The following PCDHA7 variants were observed in gnomAD, a reference collection of about 807,000 sequenced individuals.
PCDHA7 encodes the protein protocadherin alpha 7.
In PCDHA7, 37 loss-of-function variants were observed where a neutral mutation model predicts 57.2. The observed-to-expected ratio is 0.65, with a 90% CI of 0.50 to 0.85. PCDHA7 has a LOEUF of 0.85. Among genes scored for constraint, PCDHA7 ranks in the 40% least tolerant of loss-of-function variants. The pLI, the probability that PCDHA7 is intolerant of heterozygous loss-of-function variation, is 0.00. For missense variants in PCDHA7, 1,188 were observed against 1,241.8 expected (o/e 0.96, Z 0.65); for synonymous variants, 553 against 558.8 (o/e 0.99, Z 0.15).
intron 1 of PCDHA7, among the ~76,000 whole-genome samples, chr5:140,897,593 G>A (rs1185165472): frequency 6.6e-6 from 1 of 152,014 alleles, no homozygotes; most frequent in Non-Finnish European, 1.5e-5. Context: ...TGTCATTGTT[G>A]GACATTTGGG....
At chr5:140,986,981 A>G (rs1180752989) in intron 3 of PCDHA7, among the ~76,000 whole-genome samples, 1 of 152,146 alleles carries the variant, frequency 6.6e-6, no homozygotes, top group Non-Finnish European at 1.5e-5. Flanking sequence ...TGGGAGGCCA[A>G]GGCAGGCAGA....
At chr5:140,917,587 C>T (rs2078270380) in intron 1 of PCDHA7, among the ~76,000 whole-genome samples, 1 of 152,164 alleles carries the variant, frequency 6.6e-6, no homozygotes, top group Non-Finnish European at 1.5e-5. Context: ...TTTGTTCATG[C>T]TGAAAGGAAG....
intron 1 of PCDHA7, chr5:140,881,393 A>G: frequency 1.0e-6 from 1 of 979,646 alleles, no homozygotes; most frequent in Non-Finnish European, 1.2e-6. Context: ...GGTAAGTTAA[A>G]TTCTATTAAA....
chr5:140,883,695 C>T, intron 1 of PCDHA7: 2 of 1,613,804 alleles, frequency 1.2e-6, no homozygotes, highest in Non-Finnish European at 1.7e-6. Context: ...CACATCTTCA[C>T]GGTGTCTGCT....
chr5:140,920,632 T>C (rs1054888668), intron 1 of PCDHA7, among the ~76,000 whole-genome samples: 2 of 152,018 alleles, frequency 1.3e-5, no homozygotes, highest in Non-Finnish European at 2.9e-5. Context: ...GATCACAAGG[T>C]CAAGAGATTG....
At chr5:140,965,037 C>T (rs1260839947) in intron 1 of PCDHA7, among the ~76,000 whole-genome samples, 1 of 152,142 alleles carries the variant, frequency 6.6e-6, no homozygotes, top group African/African-American at 2.4e-5. Context: ...TAACTGTCCG[C>T]TCTAGGAGGG....
chr5:140,857,895 G>A lies in PCDHA7; in HGVS notation c.2355+21157G>A, dbSNP rs373881159. Reference sequence around the variant, plus strand: ...TATGAATTGCAGTCGGCGGCGGTTGGTGCACGCATCCCGTTTCGCGTGGGG... The same window carrying A: ...TATGAATTGCAGTCGGCGGCGGTTGATGCACGCATCCCGTTTCGCGTGGGG... On this transcript the variant is annotated intron_variant, in intron 1 of 3. Transcript: ENST00000525929. The A allele has an allele frequency of 3.9e-5, 62 of 1,597,752 alleles. 5 individuals carry two copies. Among genetic ancestry groups the A allele is most frequent in the Non-Finnish European group, 5.1e-5 (59 of 1,167,572 alleles).
chr5:140,875,265 T>C, intron 1 of PCDHA7: 1 of 1,201,060 alleles, frequency 8.3e-7, no homozygotes, highest in Admixed American at 3.0e-5. Flanking sequence ...GATGTCGCTC[T>C]ACACTCAGAA....
chr5:140,893,689 A>G (rs999117899), intron 1 of PCDHA7, among the ~76,000 whole-genome samples: 2 of 152,192 alleles, frequency 1.3e-5, no homozygotes, highest in Non-Finnish European at 2.9e-5. Context: ...ATATCATCTC[A>G]TTCTATCCTA....
intron 3 of PCDHA7, 171 bp from the exon 4 acceptor site, chr5:141,009,456 C>CAAAT: frequency 3.2e-6 from 3 of 947,762 alleles, no homozygotes; most frequent in Non-Finnish European, 2.5e-6. Flanking sequence ...AAAAATTAAA[C>CAAAT]AAATAAATAA....
At chr5:140,967,980 A>C in intron 1 of PCDHA7, 1 of 1,614,198 alleles carries the variant, frequency 6.2e-7, no homozygotes, top group South Asian at 1.1e-5. Context: ...CTGGGTCTGG[A>C]GGCCACACTG....
chr5:140,853,646 G>T (rs1277332064), intron 1 of PCDHA7: 1 of 988,662 alleles, frequency 1.0e-6, no homozygotes, highest in Non-Finnish European at 1.2e-6. Flanking sequence ...CCTAAATTGA[G>T]CCTGTTCCAG....
intron 3 of PCDHA7, among the ~76,000 whole-genome samples, chr5:140,984,789 A>G (rs2097121266): frequency 6.6e-6 from 1 of 152,202 alleles, no homozygotes; most frequent in African/African-American, 2.4e-5. Context: ...GGGTGAGCAT[A>G]GACAAACTGC....
At chr5:141,004,508 G>A (rs1554259596) in intron 3 of PCDHA7, among the ~76,000 whole-genome samples, 1 of 152,200 alleles carries the variant, frequency 6.6e-6, no homozygotes. Flanking sequence ...GCTGTGAGGG[G>A]CTCCCTCTGC....
chr5:140,849,832 C>A lies in PCDHA7; in HGVS notation c.2355+13094C>A, dbSNP rs145333813. On this transcript the variant is annotated intron_variant, in intron 1 of 3. Coordinates refer to ENST00000525929, the MANE Select transcript of PCDHA7 (RefSeq NM_018910.3). ...ACGGCCAGGGTGTCTGTGGAGGTGG[C>A]CGACGTGAACGACAACGCACCAGCG... 3.2e-4 allele frequency: 518 copies of A among 1,598,398 alleles called. 39 individuals carry two copies. In the African/African-American group the frequency reaches 4.3e-3, roughly 13 times the overall value.
At chr5:140,853,340 G>A (rs1398968821) in intron 1 of PCDHA7, 1 of 983,496 alleles carries the variant, frequency 1.0e-6, no homozygotes, top group East Asian at 1.1e-4. Flanking sequence ...GAGGTCATTA[G>A]CAAACATGAA....
At chr5:141,002,600 A>G (rs1269340072) in intron 3 of PCDHA7, among the ~76,000 whole-genome samples, 1 of 152,204 alleles carries the variant, frequency 6.6e-6, no homozygotes, top group Non-Finnish European at 1.5e-5. Flanking sequence ...CCCCTCATCT[A>G]TAAAACAGAC....
rs2150252750 is a variant in PCDHA7, at chr5:140,836,096, T to C, written c.1713T>C (p.Gly571=). ...CGGCACTGCTGGCGCCTCGGGTGGG[T>C]GGCACTGGTGGCGCAGTGAGAGAGC... The part of the protein sequence containing the change: ...NAPALLAPRV[G]GTGGAVRELV... Residue 571 remains glycine, a synonymous_variant, in exon 1 of 4, where the codon GGT becomes GGC. Transcript: ENST00000525929. 6.2e-7 allele frequency: 1 copy of C among 1,613,590 alleles called. No homozygotes were observed. The highest frequency in any genetic ancestry group is 8.5e-7 in the Non-Finnish European group (1 of 1,179,756).
Position 140,995,742 on chromosome 5 carries a change from A to G in PCDHA7, c.2503+13179A>G, listed in dbSNP as rs1354360972. Among the ~76,000 whole-genome samples the G allele has an allele frequency of 7.2e-5, 11 of 152,280 alleles. No individual in the cohort carries two copies. In the East Asian group the frequency reaches 2.1e-3, roughly 29 times the overall value. On this transcript the variant is annotated intron_variant, in intron 3 of 3. Coordinates refer to ENST00000525929, the MANE Select transcript of PCDHA7 (RefSeq NM_018910.3). Reference sequence around the variant, plus strand: ...CTTAGGTAATCCTGGTGGATTTGGTATATCATGTCTGAGAAAATGTGGAGA... The same window carrying G: ...CTTAGGTAATCCTGGTGGATTTGGTGTATCATGTCTGAGAAAATGTGGAGA...
Sources: gnomAD v4.1 joint callset for allele counts (sites outside exome capture counted in the v4.1 genomes callset) on GRCh38, gnomAD v4.1.1 for gene constraint, MANE v1.5 for transcripts, NCBI Gene and HGNC (gene_info 2026-07-23, HGNC 2026-07-21) for gene names.